Variants in STAU1 observed in about 807,000 individuals in gnomAD.
STAU1 encodes double-stranded RNA-binding protein Staufen homolog 1.
Under a neutral mutation model 62.9 loss-of-function variants are expected in STAU1, and 13 were observed. The observed-to-expected ratio is 0.21, with a 90% CI of 0.13 to 0.33. The LOEUF (loss-of-function observed/expected upper bound fraction) is 0.33, where lower values mean the gene tolerates loss of function less well. STAU1 is among the 10% of genes least tolerant of loss of function. The pLI, the probability that STAU1 is intolerant of heterozygous loss-of-function variation, is 1.00. For missense variants in STAU1, 571 were observed against 712.1 expected (o/e 0.80, Z 2.25); for synonymous variants, 269 against 265.1 (o/e 1.01, Z -0.14).
At chr20:49,203,263 A>G in the STAU1 span, among the ~76,000 whole-genome samples, 1 of 152,136 alleles carries the variant, frequency 6.6e-6, no homozygotes, top group African/African-American at 2.4e-5. Flanking sequence ...CATCTCTACC[A>G]AAAATACAAA....
chr20:49,190,476 G>T (rs1355126297), upstream of STAU1, among the ~76,000 whole-genome samples: 4 of 152,088 alleles, frequency 2.6e-5, no homozygotes, highest in Admixed American at 6.6e-5. Context: ...TAGAGACAGG[G>T]TTTTACTAAG....
chr20:49,114,707 G>A lies in STAU1; in HGVS notation c.*171C>T. ...ACAAACCCCAGCACAGTCCAGCCCG[G>A]CCACAGCCGCCTCCTTGTGTTTCTG... On this transcript the variant is annotated 3_prime_UTR_variant, in exon 14 of 14. Transcript: ENST00000371856. The A allele has an allele frequency of 4.4e-6, 3 of 681,082 alleles. No homozygotes were observed. The highest frequency in any genetic ancestry group is 7.7e-6 in the Non-Finnish European group (3 of 387,436). 42.2% of individuals were successfully genotyped at this position (681,082 alleles called of 1,614,324 possible).
At chr20:49,123,972 C>T (rs2092531247) in intron 7 of STAU1, among the ~76,000 whole-genome samples, 1 of 152,166 alleles carries the variant, frequency 6.6e-6, no homozygotes, top group Non-Finnish European at 1.5e-5. Context: ...AGCAAAATGT[C>T]TCACTCCTAC....
the STAU1 span, among the ~76,000 whole-genome samples, chr20:49,206,183 G>C: frequency 6.8e-6 from 1 of 147,358 alleles, no homozygotes; most frequent in African/African-American, 2.5e-5. Context: ...TTGTAAGTAC[G>C]GGGTTTTACC....
At chr20:49,212,204 G>T in the STAU1 span, among the ~76,000 whole-genome samples, 2 of 152,148 alleles carry the variant, frequency 1.3e-5, no homozygotes, top group Non-Finnish European at 2.9e-5. Flanking sequence ...GCCCAGGCTG[G>T]TCTCCAACTC....
chr20:49,213,982 C>CGGGTG, the STAU1 span, among the ~76,000 whole-genome samples: 2 of 152,154 alleles, frequency 1.3e-5, no homozygotes, highest in South Asian at 4.2e-4. Flanking sequence ...GAGGCCGAGG[C>CGGGTG]GGGTGGGTCA....
In STAU1 at chr20:49,164,327, C is replaced by T. The variant is rs183307615; in HGVS notation, c.205+1670G>A. On this transcript the variant is annotated intron_variant, in intron 3 of 13. Transcript: ENST00000371856. ...CTTTTTTTCTTTTGAGACAGGGTCT[C>T]GCTCTGTCTCCCAGGCTGGATGGAA... Among the ~76,000 whole-genome samples the T allele has an allele frequency of 3.6e-3, 551 of 151,824 alleles. 3 individuals carry two copies. The highest frequency in any genetic ancestry group is 0.013 in the African/African-American group (529 of 41,398).
the STAU1 span, among the ~76,000 whole-genome samples, chr20:49,208,622 CTTT>C: frequency 2.1e-5 from 3 of 140,378 alleles, no homozygotes; most frequent in Admixed American, 7.2e-5. Flanking sequence ...GAGATCCTGT[CTTT>C]TTTTTTTTTT....
chr20:49,153,016 C>T (rs939750299), intron 4 of STAU1, among the ~76,000 whole-genome samples: 1 of 150,282 alleles, frequency 6.7e-6, no homozygotes, highest in African/African-American at 2.5e-5. Context: ...TTTGGGAGGC[C>T]GAGGTGGGCG....
chr20:49,158,244 G>T (rs3092427), intron 3 of STAU1, among the ~76,000 whole-genome samples: 50,976 of 151,712 alleles, frequency 0.34, 9,338 homozygotes, highest in African/African-American at 0.5. Context: ...AACACGCTAT[G>T]GCACTCCAGC....
chr20:49,159,382 T>C (rs1468236807), intron 3 of STAU1, among the ~76,000 whole-genome samples: 2 of 152,100 alleles, frequency 1.3e-5, no homozygotes, highest in African/African-American at 2.4e-5. Context: ...AAAGAAAATA[T>C]GCGGTTAGAG....
intron 5 of STAU1, among the ~76,000 whole-genome samples, chr20:49,137,446 C>G (rs1169989427): frequency 6.6e-6 from 1 of 152,116 alleles, no homozygotes; most frequent in Non-Finnish European, 1.5e-5. Flanking sequence ...ACTAGATAAG[C>G]TCAAAGCTTA....
intron 5 of STAU1, among the ~76,000 whole-genome samples, chr20:49,148,796 G>A (rs2093180571): frequency 6.6e-6 from 1 of 152,218 alleles, no homozygotes; most frequent in Non-Finnish European, 1.5e-5. Flanking sequence ...GAGTGAAGGC[G>A]GGAGACTCAG....
At chr20:49,125,895 A>C (rs1268880003) in intron 6 of STAU1, among the ~76,000 whole-genome samples, 6 of 152,026 alleles carry the variant, frequency 3.9e-5, no homozygotes, top group African/African-American at 1.5e-4. Context: ...GGATTAGGGT[A>C]GACAGACGGG....
intron 3 of STAU1, chr20:49,159,181 GA>G (rs1421211930): frequency 2.1e-5 from 23 of 1,071,394 alleles, no homozygotes; most frequent in Non-Finnish European, 2.4e-5. Flanking sequence ...TTATTCTCGT[GA>G]ACCGTCTTGC....
At chr20:49,147,836 T>C (rs971034123) in intron 5 of STAU1, among the ~76,000 whole-genome samples, 1 of 152,216 alleles carries the variant, frequency 6.6e-6, no homozygotes, top group Non-Finnish European at 1.5e-5. Flanking sequence ...ATATTCAAGA[T>C]ATACACATCA....
chr20:49,211,696 C>T, the STAU1 span, among the ~76,000 whole-genome samples: 4 of 151,898 alleles, frequency 2.6e-5, no homozygotes, highest in East Asian at 1.9e-4. Context: ...TTAGTAGAGA[C>T]GGGGTTTTAC....
the STAU1 span, among the ~76,000 whole-genome samples, chr20:49,198,574 A>T: frequency 2.0e-5 from 3 of 152,262 alleles, no homozygotes; most frequent in East Asian, 5.8e-4. Flanking sequence ...TTATGCCTGG[A>T]ATCCCAGCAC....
chr20:49,135,096 C>T (rs1388044744), intron 6 of STAU1: 24 of 978,242 alleles, frequency 2.5e-5, no homozygotes, highest in South Asian at 6.5e-5. Flanking sequence ...TGCCTTTATT[C>T]GTAACGTTTT....
Sources: allele counts gnomAD v4.1 joint callset (sites outside exome capture counted in the v4.1 genomes callset), GRCh38; gene constraint gnomAD v4.1.1; transcripts MANE v1.5; gene names NCBI Gene and HGNC (gene_info 2026-07-23, HGNC 2026-07-21).